DCC: variants seen among roughly 807,000 people sequenced by gnomAD.
The protein encoded by DCC is netrin receptor DCC.
A neutral mutation model predicts 172.5 loss-of-function variants in DCC; 58 were observed. The observed-to-expected ratio is 0.34, with a 90% CI of 0.27 to 0.42. The LOEUF (loss-of-function observed/expected upper bound fraction) is 0.42, where lower values mean the gene tolerates loss of function less well. DCC is among the 10% of genes least tolerant of loss of function. DCC has a pLI of 1.00. For synonymous variants in DCC, 709 were observed against 644.5 expected (o/e 1.10, Z -1.52); for missense variants, 1,740 against 1,791.0 (o/e 0.97, Z 0.51).
At chr18:53,402,946 C>A in intron 19 of DCC, 53 bp downstream of exon 19, 1 of 1,307,744 alleles carries the variant, frequency 7.6e-7, no homozygotes, top group Non-Finnish European at 1.1e-6. Context: ...CCTATAATTG[C>A]TTACCCCCTA....
chr18:52,649,978 T>G lies in DCC; in HGVS notation c.92-102076T>G, dbSNP rs966935890. Among the ~76,000 whole-genome samples the G allele has an allele frequency of 6.2e-4, 91 of 146,868 alleles. 1 individual carries two copies. Among genetic ancestry groups the G allele is most frequent in the Middle Eastern group, 3.4e-3 (1 of 292 alleles). ...CTGAATCAGATGATAGTTCTATTTTTTTTTTTTTTTTTTTTTTGAGATGGA... is the reference window on the plus strand; with the variant it reads ...CTGAATCAGATGATAGTTCTATTTTGTTTTTTTTTTTTTTTTTGAGATGGA... On this transcript the variant is annotated intron_variant, in intron 1 of 28. Coordinates refer to ENST00000442544, the MANE Select transcript of DCC (RefSeq NM_005215.4).
chr18:52,550,509 A>G (rs1337858224), intron 1 of DCC, among the ~76,000 whole-genome samples: 1 of 152,086 alleles, frequency 6.6e-6, no homozygotes, highest in Non-Finnish European at 1.5e-5. Context: ...ATGGGCTTTG[A>G]TATCTAGAAG....
At chr18:53,180,836 C>A (rs1291547638) in intron 9 of DCC, among the ~76,000 whole-genome samples, 1 of 152,102 alleles carries the variant, frequency 6.6e-6, no homozygotes, top group Non-Finnish European at 1.5e-5. Flanking sequence ...TGGTCTCGAA[C>A]TCCTGACCTC....
At chr18:52,719,241 ATC>A (rs1216611244) in intron 1 of DCC, among the ~76,000 whole-genome samples, 4 of 152,144 alleles carry the variant, frequency 2.6e-5, no homozygotes, top group Non-Finnish European at 5.9e-5. Context: ...TGAAGACCTT[ATC>A]TCTAAATAAC....
chr18:53,038,460 G>A (rs2042124358), intron 5 of DCC, among the ~76,000 whole-genome samples: 1 of 151,790 alleles, frequency 6.6e-6, no homozygotes, highest in Non-Finnish European at 1.5e-5. Context: ...CCATTACTTT[G>A]GAAGTTAGGG....
At chr18:52,903,347 G>C (rs1212240166) in intron 2 of DCC, among the ~76,000 whole-genome samples, 1 of 152,020 alleles carries the variant, frequency 6.6e-6, no homozygotes, top group Admixed American at 6.6e-5. Context: ...TGGGACCACA[G>C]GTGTGTGCCA....
At chr18:52,566,623 T>C (rs988473035) in intron 1 of DCC, among the ~76,000 whole-genome samples, 7 of 152,168 alleles carry the variant, frequency 4.6e-5, no homozygotes, top group Non-Finnish European at 1.0e-4. Context: ...CTTTATGTGA[T>C]AAAAATTAAA....
At chr18:53,035,884 C>T (rs1403681557) in intron 5 of DCC, among the ~76,000 whole-genome samples, 1 of 151,916 alleles carries the variant, frequency 6.6e-6, no homozygotes, top group Non-Finnish European at 1.5e-5. Flanking sequence ...TATTTGCATA[C>T]TTGTTGTCAT....
chr18:52,474,244 A>AGAGAGAG (rs1568186675), intron 1 of DCC, among the ~76,000 whole-genome samples: 8 of 32,194 alleles, frequency 2.5e-4, no homozygotes, highest in Admixed American at 5.4e-4. Flanking sequence ...GAGAGAGAGA[A>AGAGAGAG]AGAGAGAGAA....
intron 12 of DCC, among the ~76,000 whole-genome samples, chr18:53,258,467 G>A (rs900940669): frequency 6.6e-6 from 1 of 151,894 alleles, no homozygotes; most frequent in Non-Finnish European, 1.5e-5. Flanking sequence ...ATTTCGTTAT[G>A]TACCCAGTAG....
chr18:53,476,206 G>A (rs2045760317), intron 25 of DCC, among the ~76,000 whole-genome samples: 1 of 152,202 alleles, frequency 6.6e-6, no homozygotes, highest in African/African-American at 2.4e-5. Flanking sequence ...CAGATGAGAT[G>A]TCGGGCTGTG....
chr18:52,898,278 G>C (rs544546797), intron 2 of DCC, among the ~76,000 whole-genome samples: 2 of 152,214 alleles, frequency 1.3e-5, no homozygotes, highest in South Asian at 4.2e-4. Flanking sequence ...GAGAAGATGT[G>C]GATCCTGATA....
chr18:53,327,523 C>G (rs758624206), intron 14 of DCC, among the ~76,000 whole-genome samples: 5 of 152,152 alleles, frequency 3.3e-5, no homozygotes, highest in Non-Finnish European at 5.9e-5. Context: ...TTAAAATCGA[C>G]TCTCTACCCT....
At chr18:53,418,249 A>ATATC (rs1255585435) in intron 21 of DCC, among the ~76,000 whole-genome samples, 7 of 152,188 alleles carry the variant, frequency 4.6e-5, no homozygotes, top group Non-Finnish European at 7.3e-5. Context: ...GTTATAAATA[A>ATATC]TATCTTCAAA....
intron 1 of DCC, among the ~76,000 whole-genome samples, chr18:52,426,167 C>T (rs1274068954): frequency 2.6e-5 from 4 of 152,104 alleles, no homozygotes; most frequent in African/African-American, 9.7e-5. Flanking sequence ...CTGATCAAAG[C>T]ACTTGTGCCT....
At chr18:52,543,547 C>T (rs572530386) in intron 1 of DCC, among the ~76,000 whole-genome samples, 4 of 152,230 alleles carry the variant, frequency 2.6e-5, no homozygotes, top group African/African-American at 9.6e-5. Flanking sequence ...GAATGGACAT[C>T]CTTTTCCAAA....
At chr18:52,505,527 TTA>T (rs1335775235) in intron 1 of DCC, among the ~76,000 whole-genome samples, 2 of 152,020 alleles carry the variant, frequency 1.3e-5, no homozygotes, top group Non-Finnish European at 2.9e-5. Context: ...ACAAAAGAAG[TTA>T]TATATATATA....
chr18:53,086,992 A>G (rs988341634), intron 7 of DCC, among the ~76,000 whole-genome samples: 11 of 151,780 alleles, frequency 7.2e-5, no homozygotes, highest in Admixed American at 6.6e-5. Context: ...TTCTTAATCC[A>G]GTCTATCATT....
chr18:53,301,883 T>C (rs1019062342), intron 12 of DCC, among the ~76,000 whole-genome samples: 2 of 152,178 alleles, frequency 1.3e-5, no homozygotes, highest in Non-Finnish European at 2.9e-5. Flanking sequence ...CTCATGAATA[T>C]ACTGGTATTC....
Sources: allele counts gnomAD v4.1 joint callset (sites outside exome capture counted in the v4.1 genomes callset), GRCh38; gene constraint gnomAD v4.1.1; transcripts MANE v1.5; gene names NCBI Gene and HGNC (gene_info 2026-07-23, HGNC 2026-07-21).